The following WNT8B variants were observed in gnomAD, a reference collection of about 807,000 sequenced individuals.
The protein encoded by WNT8B is protein Wnt-8b.
WNT8B carries 24 observed loss-of-function variants against 36.6 expected under a neutral mutation model. That is an observed-to-expected ratio of 0.66 (90% CI 0.48 to 0.92). The LOEUF is 0.92. Ranked by LOEUF, WNT8B falls within the 40% of genes least tolerant of loss-of-function variation. The probability of loss-of-function intolerance (pLI) is 0.00; values close to 1 mark genes in which losing one functional copy is unlikely to be tolerated. For synonymous variants in WNT8B, 199 were observed against 189.8 expected (o/e 1.05, Z -0.40); for missense variants, 402 against 470.8 (o/e 0.85, Z 1.35).
chr10:100,476,287 G>C (rs1471747380), intron 1 of WNT8B, among the ~76,000 whole-genome samples: 2 of 151,972 alleles, frequency 1.3e-5, no homozygotes, highest in Non-Finnish European at 2.9e-5. Flanking sequence ...TTGGGTGACA[G>C]AGTGAGACTC....
chr10:100,481,963 A>C lies in WNT8B; in HGVS notation c.419A>C (p.Glu140Ala). Residue 140 changes from glutamate (E) to alanine (A), a missense_variant, in exon 5 of 6, where the codon GAG becomes GCG. Glu to Ala is a moderately radical substitution (Grantham distance 107, BLOSUM62 -1). This residue lies in a region of WNT8B where 15 missense variants were observed against 39.6 expected (regional missense o/e 0.38). Coordinates refer to ENST00000343737, the MANE Select transcript of WNT8B (RefSeq NM_003393.4). ...TGCAGTGACAATGTGGGCTTCGGAG[A>C]GGCGATTTCCAAGCAGTTTGTCGAT... ...GGCSDNVGFGEAISKQFVDAL... is the reference protein window; with the variant it reads ...GGCSDNVGFGAAISKQFVDAL... The C allele has an allele frequency of 6.2e-7, 1 of 1,613,952 alleles. No individual in the cohort carries two copies. The highest frequency in any genetic ancestry group is 8.5e-7 in the Non-Finnish European group (1 of 1,180,004).
chr10:100,482,791 C>T lies in WNT8B; in HGVS notation c.1031C>T (p.Ala344Val), dbSNP rs942454614. Residue 344 changes from alanine (A) to valine (V), a missense_variant, in exon 6 of 6, where the codon GCG (alanine) becomes GTG (valine). Around this residue, in one of 3 missense-constraint regions of WNT8B, gnomAD observed 256 missense variants for 278.6 expected, o/e 0.92. Coordinates refer to ENST00000343737, the MANE Select transcript of WNT8B (RefSeq NM_003393.4). This position sits in a 1 kb window ranked among gnomAD's most constrained non-coding sequence, Gnocchi z 6.6. The part of the protein sequence containing the change: ...SRAERPRGGA[A>V]HKPGRKP ...GCAGAGCGGCCGCGGGGGGGCGCTG[C>T]GCACAAACCCGGGAGAAAACCCTAA... is the stretch of plus-strand genomic sequence containing the variant. 3 of 1,581,162 alleles carry T rather than the reference C, an allele frequency of 1.9e-6. No homozygotes were observed. The African/African-American group carries it at 4.1e-5, about 21-fold the overall frequency.
chr10:100,464,018 G>C (rs1353815701), intron 1 of WNT8B, among the ~76,000 whole-genome samples: 1 of 152,142 alleles, frequency 6.6e-6, no homozygotes, highest in African/African-American at 2.4e-5. Flanking sequence ...CAGGTTGCTA[G>C]GGTGTTCGGA....
intron 1 of WNT8B, among the ~76,000 whole-genome samples, chr10:100,474,318 T>C (rs1377795699): frequency 1.4e-5 from 2 of 147,040 alleles, no homozygotes; most frequent in South Asian, 4.4e-4. Flanking sequence ...CTCCATTTGT[T>C]AAACAAAATT....
At position 100,478,591 on chromosome 10, in the gene WNT8B, T is replaced by TG. The variant is rs1196065848; in HGVS notation, c.69-461_69-460insG. Among the ~76,000 whole-genome samples, 11 of 152,088 alleles carry TG rather than the reference T, an allele frequency of 7.2e-5. No homozygotes were observed. In the South Asian group the frequency reaches 1.4e-3, roughly 20 times the overall value. On this transcript the variant is annotated intron_variant, in intron 1 of 5. Coordinates refer to ENST00000343737, the MANE Select transcript of WNT8B (RefSeq NM_003393.4). ...TTTATGTGTGTGTGTGTTTTTTTTT[T>TG]TTTGTTTTGAAACAGAATTTTGCTC...
chr10:100,472,768 C>T (rs547250664), intron 1 of WNT8B, among the ~76,000 whole-genome samples: 5 of 152,338 alleles, frequency 3.3e-5, no homozygotes, highest in African/African-American at 1.2e-4. Context: ...TACTATGAAG[C>T]ACAATAACAA....
intron 1 of WNT8B, among the ~76,000 whole-genome samples, chr10:100,471,984 C>CGG (rs1433617260): frequency 6.6e-6 from 1 of 151,810 alleles, no homozygotes; most frequent in East Asian, 2.0e-4. Flanking sequence ...CACTTGAGGT[C>CGG]AGGAGTTCAA....
At chr10:100,472,589 A>G (rs1318903898) in intron 1 of WNT8B, among the ~76,000 whole-genome samples, 1 of 152,214 alleles carries the variant, frequency 6.6e-6, no homozygotes, top group East Asian at 1.9e-4. Context: ...AATAAATGCT[A>G]GTTATTATTA....
intron 1 of WNT8B, among the ~76,000 whole-genome samples, chr10:100,477,273 GTTT>G (rs1280923365): frequency 6.6e-6 from 1 of 151,728 alleles, no homozygotes; most frequent in Non-Finnish European, 1.5e-5. Flanking sequence ...ATGTACCACA[GTTT>G]TTTATTTTTT....
At chr10:100,481,778 G>A (rs953528493) in intron 4 of WNT8B, 134 bp from the exon 5 acceptor site, 2 of 1,278,430 alleles carry the variant, frequency 1.6e-6, no homozygotes, top group African/African-American at 1.5e-5. Context: ...AACTGATCTG[G>A]ATACAGGGCA....
chr10:100,476,918 G>C (rs1445093669), intron 1 of WNT8B, among the ~76,000 whole-genome samples: 1 of 152,122 alleles, frequency 6.6e-6, no homozygotes, highest in East Asian at 1.9e-4. Flanking sequence ...ACATGCACTT[G>C]TGTGTACATG....
At chr10:100,477,773 A>AGGTTTTTTTT (rs1554840038) in intron 1 of WNT8B, among the ~76,000 whole-genome samples, 2 of 144,160 alleles carry the variant, frequency 1.4e-5, no homozygotes, top group East Asian at 2.0e-4. Flanking sequence ...GTTCATTTTT[A>AGGTTTTTTTT]GTTTTTTTTT....
At chr10:100,471,999 AG>A (rs1850982663) in intron 1 of WNT8B, among the ~76,000 whole-genome samples, 1 of 151,970 alleles carries the variant, frequency 6.6e-6, no homozygotes, top group Non-Finnish European at 1.5e-5. Context: ...GTTCAAGACC[AG>A]CCTGGCCAAC....
intron 1 of WNT8B, among the ~76,000 whole-genome samples, chr10:100,473,406 C>A (rs543010831): frequency 6.6e-6 from 1 of 152,216 alleles, no homozygotes; most frequent in East Asian, 1.9e-4. Flanking sequence ...CAAAAAGAAA[C>A]CCTTTATTTA....
chr10:100,469,479 A>G (rs1159067999), intron 1 of WNT8B, among the ~76,000 whole-genome samples: 3 of 152,222 alleles, frequency 2.0e-5, no homozygotes, highest in Non-Finnish European at 4.4e-5. Flanking sequence ...CCCCTAGTTA[A>G]ATAGGAAAGC....
chr10:100,482,345 GCTGC>G lies in WNT8B; in HGVS notation c.586_589del (p.Leu196SerfsTer12). The G allele has an allele frequency of 1.2e-6, 2 of 1,604,252 alleles. No individual in the cohort carries two copies. Among genetic ancestry groups the G allele is most frequent in the Non-Finnish European group, 1.7e-6 (2 of 1,179,872 alleles). On this transcript the variant is annotated frameshift_variant, in exon 6 of 6. Transcript: ENST00000343737. LOFTEE classifies it high-confidence loss of function. This position sits in a 1 kb window ranked among gnomAD's most constrained non-coding sequence, Gnocchi z 6.6. ...GCAGCTGCACCACGCAGACCTGTTG[GCTGC>G]AGCTGCCCGAGTTCCGCGAGGTGGG...
chr10:100,480,109 C>G (rs1372628371), intron 3 of WNT8B, 97 bp downstream of exon 3: 3 of 1,396,520 alleles, frequency 2.1e-6, no homozygotes, highest in Non-Finnish European at 2.9e-6. Flanking sequence ...TATTCCTCAC[C>G]TGCTCTCTTC....
Position 100,482,680 on chromosome 10 carries a change from C to G in WNT8B, c.920C>G (p.Ser307Cys). The G allele has an allele frequency of 6.2e-7, 1 of 1,610,024 alleles. No individual in the cohort carries two copies. Among genetic ancestry groups the G allele is most frequent in the South Asian group, 1.1e-5 (1 of 90,920 alleles). ...AVEERRAETV[S>C]SCNCKFHWCC... ...GAGGAGCGCCGGGCCGAGACCGTGT[C>G]CAGCTGCAACTGCAAGTTCCACTGG... The change falls in exon 6 of 6, where the codon TCC becomes TGC. Residue 307 changes from serine (S) to cysteine (C), a missense_variant. This residue lies in a region of WNT8B where 256 missense variants were observed against 278.6 expected (regional missense o/e 0.92). Coordinates refer to ENST00000343737, the MANE Select transcript of WNT8B (RefSeq NM_003393.4). The surrounding 1 kb of genome is among the most constrained non-coding windows in gnomAD (Gnocchi z 6.6).
At position 100,482,424 on chromosome 10, in the gene WNT8B, C is replaced by T; in HGVS notation, c.664C>T (p.Gln222Ter). The change falls in exon 6 of 6, where the codon CAG becomes TAG. Residue 222 changes from glutamine (Q) to a stop codon, truncating the protein, a stop_gained. Transcript: ENST00000343737. LOFTEE classifies it high-confidence loss of function. This position sits in a 1 kb window ranked among gnomAD's most constrained non-coding sequence, Gnocchi z 6.6. ...YHAALKVDLLQGAGNSAAGRG... is the reference protein window; with the variant it reads ...YHAALKVDLL Reference sequence around the variant, plus strand: ...CGCAGCACTCAAGGTGGACCTGCTGCAGGGTGCTGGCAACAGCGCGGCCGG... The same window carrying T: ...CGCAGCACTCAAGGTGGACCTGCTGTAGGGTGCTGGCAACAGCGCGGCCGG... 1 of 1,606,900 alleles carries T rather than the reference C, an allele frequency of 6.2e-7. No homozygotes were observed.
Sources: allele counts gnomAD v4.1 joint callset (sites outside exome capture counted in the v4.1 genomes callset), GRCh38; gene constraint gnomAD v4.1.1; regional missense constraint gnomAD v4.1.1; non-coding constraint Gnocchi (gnomAD v3.1); transcripts MANE v1.5; gene names NCBI Gene and HGNC (gene_info 2026-07-23, HGNC 2026-07-21).